UST: variants seen among roughly 807,000 people sequenced by gnomAD.
UST encodes uronyl 2-sulfotransferase.
Under a neutral mutation model 45.6 loss-of-function variants are expected in UST, and 21 were observed. That is an observed-to-expected ratio of 0.46 (90% CI 0.33 to 0.66). The LOEUF (loss-of-function observed/expected upper bound fraction) is 0.66, where lower values mean the gene tolerates loss of function less well. Among genes scored for constraint, UST ranks in the 30% least tolerant of loss-of-function variants. The pLI is 0.02. For missense variants in UST, 463 were observed against 512.4 expected, an observed-to-expected ratio of 0.90 and a Z score of 0.93; for synonymous variants, 215 against 200.6, an observed-to-expected ratio of 1.07 and a Z score of -0.61.
At chr6:149,031,414 A>G (rs911997401) in intron 7 of UST, among the ~76,000 whole-genome samples, 1 of 152,218 alleles carries the variant, frequency 6.6e-6, no homozygotes, top group Non-Finnish European at 1.5e-5. Flanking sequence ...TCACCAATTC[A>G]CAAGAATTCA....
chr6:148,995,259 G>A (rs576602224), intron 5 of UST, among the ~76,000 whole-genome samples: 175 of 152,322 alleles, frequency 1.1e-3, no homozygotes, highest in African/African-American at 4.1e-3. Context: ...CTGGCCTCAA[G>A]TGATCCGCCC....
Position 148,934,848 on chromosome 6 carries a change from A to G in UST, c.292-6431A>G, listed in dbSNP as rs763497471. On this transcript the variant is annotated intron_variant, in intron 2 of 7. Coordinates refer to ENST00000367463, the MANE Select transcript of UST (RefSeq NM_005715.3). This position sits in a 1 kb window ranked among gnomAD's most constrained non-coding sequence, Gnocchi z 4.1. ...GTGTGGCCCAGAAATCTGCATTTTTAAAAGTTCTGTGAGGAATTTGAATAT... is the reference window on the plus strand; with the variant it reads ...GTGTGGCCCAGAAATCTGCATTTTTGAAAGTTCTGTGAGGAATTTGAATAT... Among the ~76,000 whole-genome samples the G allele has an allele frequency of 1.3e-5, 2 of 152,150 alleles. No homozygotes were observed. The highest frequency in any genetic ancestry group is 4.8e-5 in the African/African-American group (2 of 41,422).
At chr6:148,751,317 G>C (rs1264060206) in intron 1 of UST, among the ~76,000 whole-genome samples, 1 of 152,188 alleles carries the variant, frequency 6.6e-6, no homozygotes, top group African/African-American at 2.4e-5. Context: ...ACTGTTTTGA[G>C]GGAAGGACCA....
chr6:148,750,787 T>C (rs546707770), intron 1 of UST, among the ~76,000 whole-genome samples: 3 of 152,336 alleles, frequency 2.0e-5, no homozygotes, highest in East Asian at 3.9e-4. Context: ...TCCGTATTAA[T>C]CCCCACTATG....
chr6:149,045,100 A>C (rs1244249576), intron 7 of UST, among the ~76,000 whole-genome samples: 1 of 152,208 alleles, frequency 6.6e-6, no homozygotes, highest in Non-Finnish European at 1.5e-5. Flanking sequence ...TTTCAGATTC[A>C]GAGAGATTTA....
chr6:148,757,767 G>A (rs2114651202), intron 1 of UST, among the ~76,000 whole-genome samples: 1 of 152,330 alleles, frequency 6.6e-6, no homozygotes, highest in Non-Finnish European at 1.5e-5. Flanking sequence ...AGAATATTCT[G>A]AGACATATGA....
intron 7 of UST, among the ~76,000 whole-genome samples, chr6:149,037,630 G>A (rs963369170): frequency 4.6e-5 from 7 of 152,356 alleles, no homozygotes; most frequent in African/African-American, 1.7e-4. Flanking sequence ...GCCAAGCACC[G>A]CGACTCAAAG....
chr6:148,807,332 C>G (rs2114725158), intron 1 of UST, among the ~76,000 whole-genome samples: 1 of 152,228 alleles, frequency 6.6e-6, no homozygotes, highest in East Asian at 1.9e-4. Flanking sequence ...ATCCTTACCT[C>G]TTTAGGCCTT....
At chr6:149,019,308 CGGTG>C in intron 6 of UST, 72 bp downstream of exon 6, 3 of 1,138,710 alleles carry the variant, frequency 2.6e-6, no homozygotes, top group South Asian at 1.2e-5. Context: ...GCCTGGTACT[CGGTG>C]GGAATCTTTT....
intron 3 of UST, among the ~76,000 whole-genome samples, chr6:148,946,124 A>T (rs1282109891): frequency 2.0e-5 from 3 of 152,196 alleles, no homozygotes; most frequent in Admixed American, 6.5e-5. Context: ...CTTAGGGGGA[A>T]AAAACCCAAC....
chr6:149,039,792 C>A (rs1776286304), intron 7 of UST, among the ~76,000 whole-genome samples: 2 of 152,210 alleles, frequency 1.3e-5, no homozygotes, highest in African/African-American at 2.4e-5. Flanking sequence ...TGTGCTCTGT[C>A]CTCTGTCATT....
intron 7 of UST, among the ~76,000 whole-genome samples, chr6:149,037,720 G>A (rs551715113): frequency 1.3e-5 from 2 of 152,358 alleles, no homozygotes; most frequent in South Asian, 2.1e-4. Context: ...TTAAGAAGCA[G>A]CATTTGGAAG....
At chr6:148,894,263 A>G (rs140277898) in intron 2 of UST, among the ~76,000 whole-genome samples, 1 of 152,348 alleles carries the variant, frequency 6.6e-6, no homozygotes, top group East Asian at 1.9e-4. Context: ...CCCAAAAGAT[A>G]CATTGGATCC....
chr6:149,016,602 A>G (rs1775902083), intron 5 of UST, among the ~76,000 whole-genome samples: 1 of 152,198 alleles, frequency 6.6e-6, no homozygotes. Context: ...CTAAACAAAT[A>G]AGCACACAAG....
At chr6:148,929,320 C>T (rs1779878980) in intron 2 of UST, among the ~76,000 whole-genome samples, 1 of 152,184 alleles carries the variant, frequency 6.6e-6, no homozygotes, top group South Asian at 2.1e-4. Flanking sequence ...ATTTCCTTTG[C>T]TCATGGCTAG....
At chr6:148,866,757 C>T (rs976143376) in intron 1 of UST, among the ~76,000 whole-genome samples, 2 of 152,126 alleles carry the variant, frequency 1.3e-5, no homozygotes, top group African/African-American at 4.8e-5. Flanking sequence ...TTTTTATTCT[C>T]CTTACAAGTT....
intron 1 of UST, among the ~76,000 whole-genome samples, chr6:148,826,823 C>T (rs555449968): frequency 6.6e-6 from 1 of 152,170 alleles, no homozygotes; most frequent in South Asian, 2.1e-4. Flanking sequence ...TGGCTCATGC[C>T]CCCTAATACC....
chr6:149,010,069 G>A (rs376603286), intron 5 of UST, among the ~76,000 whole-genome samples: 1 of 149,796 alleles, frequency 6.7e-6, no homozygotes. Context: ...ATTTTATCCC[G>A]ACTTTCTCAG....
intron 2 of UST, among the ~76,000 whole-genome samples, chr6:148,907,073 A>G (rs954788381): frequency 6.6e-6 from 1 of 152,222 alleles, no homozygotes; most frequent in Non-Finnish European, 1.5e-5. Context: ...TATTTATTTT[A>G]TTACGGTAAG....
Sources: gnomAD v4.1 joint callset for allele counts (sites outside exome capture counted in the v4.1 genomes callset) on GRCh38, gnomAD v4.1.1 for gene constraint, Gnocchi (gnomAD v3.1) non-coding constraint, MANE v1.5 for transcripts, NCBI Gene and HGNC (gene_info 2026-07-23, HGNC 2026-07-21) for gene names.